The following YTHDF2 variants were observed in gnomAD, a reference collection of about 807,000 sequenced individuals.
The protein encoded by YTHDF2 is YTH domain-containing family protein 2.
YTHDF2 carries 2 observed loss-of-function variants against 50.4 expected under a neutral mutation model. That is an observed-to-expected ratio of 0.04 (90% CI 0.02 to 0.12). The LOEUF is 0.12. Among genes scored for constraint, YTHDF2 ranks in the 10% least tolerant of loss-of-function variants. YTHDF2 has a pLI of 1.00. For missense variants in YTHDF2, 483 were observed against 722.6 expected (o/e 0.67, Z 3.80); for synonymous variants, 217 against 255.6 (o/e 0.85, Z 1.44).
At chr1:28,738,237 A>G in intron 2 of YTHDF2, 22 bp from the exon 3 acceptor site, 1 of 1,591,966 alleles carries the variant, frequency 6.3e-7, no homozygotes, top group Non-Finnish European at 8.6e-7. Flanking sequence ...GGACACTCCT[A>G]ATTGAATTTT....
intron 3 of YTHDF2, among the ~76,000 whole-genome samples, chr1:28,738,764 AT>A (rs1409750512): frequency 6.6e-6 from 1 of 151,888 alleles, no homozygotes; most frequent in Non-Finnish European, 1.5e-5. Context: ...TAATACCTGT[AT>A]TTTTTCTCTG....
chr1:28,745,637 A>G (rs543770797), intron 4 of YTHDF2, among the ~76,000 whole-genome samples: 4 of 151,332 alleles, frequency 2.6e-5, no homozygotes, highest in Non-Finnish European at 5.9e-5. Flanking sequence ...AGGTAGGAGA[A>G]TCACTTGAAC....
intron 4 of YTHDF2, among the ~76,000 whole-genome samples, chr1:28,746,897 C>T (rs887201797): frequency 1.3e-5 from 2 of 151,980 alleles, no homozygotes; most frequent in African/African-American, 4.8e-5. Context: ...GCCTGATCAA[C>T]ATGGAGAAAC....
At chr1:28,740,106 G>A (rs1013990625) in intron 3 of YTHDF2, among the ~76,000 whole-genome samples, 3 of 152,190 alleles carry the variant, frequency 2.0e-5, no homozygotes, top group Non-Finnish European at 2.9e-5. Context: ...TTGAGCAAGT[G>A]ATTGGAAAAA....
intron 4 of YTHDF2, among the ~76,000 whole-genome samples, chr1:28,748,675 CTTACTT>C (rs2087902538): frequency 6.6e-6 from 1 of 152,162 alleles, no homozygotes; most frequent in Non-Finnish European, 1.5e-5. Context: ...ATAGATGTGA[CTTACTT>C]TTATTTTTTT....
At chr1:28,742,236 C>T (rs148344048) in intron 3 of YTHDF2, among the ~76,000 whole-genome samples, 167 bp from the exon 4 acceptor site, 3,071 of 152,090 alleles carry the variant, frequency 0.02, 38 homozygotes, top group Non-Finnish European at 0.035. Context: ...CTCAGGTGAT[C>T]CACCCGCCTC....
intron 4 of YTHDF2, among the ~76,000 whole-genome samples, chr1:28,748,060 G>A (rs1232760599): frequency 6.6e-6 from 1 of 151,552 alleles, no homozygotes; most frequent in Non-Finnish European, 1.5e-5. Flanking sequence ...CCCAGGGGGC[G>A]GAGCTTGCAG....
chr1:28,762,822 A>G (rs191801188), intron 4 of YTHDF2, among the ~76,000 whole-genome samples: 20 of 152,030 alleles, frequency 1.3e-4, no homozygotes, highest in Admixed American at 1.2e-3. Flanking sequence ...TGAATTTTCT[A>G]TTTTATTTTA....
chr1:28,751,439 A>G (rs2087950822), intron 4 of YTHDF2, among the ~76,000 whole-genome samples: 1 of 152,220 alleles, frequency 6.6e-6, no homozygotes, highest in Non-Finnish European at 1.5e-5. Context: ...TTAAACCAGG[A>G]TGACAAACAT....
intron 4 of YTHDF2, among the ~76,000 whole-genome samples, chr1:28,750,356 T>C (rs1281794614): frequency 1.3e-5 from 2 of 152,142 alleles, no homozygotes; most frequent in Non-Finnish European, 2.9e-5. Flanking sequence ...AGAGGTTATA[T>C]GGAGAAATAT....
chr1:28,763,409 G>T (rs954066540), intron 4 of YTHDF2, among the ~76,000 whole-genome samples: 6 of 152,054 alleles, frequency 3.9e-5, no homozygotes, highest in African/African-American at 1.4e-4. Flanking sequence ...GAGTAGCTGG[G>T]ATTATAGGTG....
chr1:28,755,929 G>A (rs1165054895), intron 4 of YTHDF2, among the ~76,000 whole-genome samples: 1 of 152,174 alleles, frequency 6.6e-6, no homozygotes, highest in Non-Finnish European at 1.5e-5. Flanking sequence ...TACACAGCCT[G>A]TATGGAACTT....
At chr1:28,738,738 C>G (rs929990634) in intron 3 of YTHDF2, among the ~76,000 whole-genome samples, 14 of 152,186 alleles carry the variant, frequency 9.2e-5, no homozygotes, top group African/African-American at 2.9e-4. Context: ...CACGCCTAGC[C>G]GAGGATTCAC....
chr1:28,764,872 T>TTTTTTG (rs2088194189), intron 4 of YTHDF2, among the ~76,000 whole-genome samples: 1 of 148,258 alleles, frequency 6.7e-6, no homozygotes, highest in Non-Finnish European at 1.5e-5. Flanking sequence ...TTGTTTTTTG[T>TTTTTTG]TTTTTTTTTA....
chr1:28,738,972 C>G (rs1286409927), intron 3 of YTHDF2: 3 of 152,198 alleles, frequency 2.0e-5, no homozygotes, highest in African/African-American at 7.2e-5. Flanking sequence ...TGTCTTCTTC[C>G]TTACCAAGAA....
intron 1 of YTHDF2, 35 bp from the exon 2 acceptor site, chr1:28,737,623 A>C (rs1459604703): frequency 1.2e-6 from 2 of 1,613,496 alleles, no homozygotes; most frequent in African/African-American, 1.3e-5. Context: ...TCCTTTGGAC[A>C]ACTTGCTGCT....
intron 4 of YTHDF2, among the ~76,000 whole-genome samples, chr1:28,747,564 T>G (rs1304154191): frequency 1.3e-5 from 2 of 149,970 alleles, no homozygotes; most frequent in Non-Finnish European, 3.0e-5. Context: ...TTTTTTTTTT[T>G]TTTTTGAGAG....
intron 4 of YTHDF2, among the ~76,000 whole-genome samples, chr1:28,745,553 C>A (rs1308365164): frequency 6.6e-6 from 1 of 151,858 alleles, no homozygotes; most frequent in East Asian, 1.9e-4. Context: ...TGGAGAAACC[C>A]CGTTTCTATT....
At chr1:28,747,047 A>T (rs1445044187) in intron 4 of YTHDF2, among the ~76,000 whole-genome samples, 1 of 152,056 alleles carries the variant, frequency 6.6e-6, no homozygotes, top group Admixed American at 6.6e-5. Context: ...GTGCCATTGC[A>T]CTCCAGCCTA....
Sources: allele counts gnomAD v4.1 joint callset (sites outside exome capture counted in the v4.1 genomes callset), GRCh38; gene constraint gnomAD v4.1.1; transcripts MANE v1.5; gene names NCBI Gene and HGNC (gene_info 2026-07-23, HGNC 2026-07-21).